The following BRCA2 variants were observed in gnomAD, a reference collection of about 807,000 sequenced individuals.
BRCA2 encodes the protein BRCA2 DNA repair associated.
A neutral mutation model predicts 276.7 loss-of-function variants in BRCA2; 203 were observed. The observed-to-expected ratio is 0.73, with a 90% CI of 0.65 to 0.82. The LOEUF (loss-of-function observed/expected upper bound fraction) is 0.82, where lower values mean the gene tolerates loss of function less well. BRCA2 is among the 40% of genes least tolerant of loss of function. BRCA2 has a pLI of 0.00. For missense variants in BRCA2, 3,920 were observed against 3,915.0 expected (o/e 1.00, Z -0.03); for synonymous variants, 1,289 against 1,338.4 (o/e 0.96, Z 0.81).
Position 32,376,640 on chromosome 13 carries a change from A to G in BRCA2, c.8633-30A>G, listed in dbSNP as rs748058869. ...TTAGTTGCTTTTGAATTTACAGTTT[A>G]GTGAATTAATAATCCTTTTGTTTTC... is the stretch of plus-strand genomic sequence containing the variant. On this transcript the variant is annotated intron_variant, in intron 20 of 26. Coordinates refer to ENST00000380152, the MANE Select transcript of BRCA2 (RefSeq NM_000059.4). The G allele has an allele frequency of 2.1e-5, 34 of 1,609,946 alleles. No individual in the cohort carries two copies. In the Middle Eastern group the frequency reaches 1.3e-3, roughly 63 times the overall value.
In BRCA2 at chr13:32,397,063, A is replaced by G. The variant is rs1197038684; in HGVS notation, c.9648+19A>G. 1 of 1,609,714 alleles carries G rather than the reference A, an allele frequency of 6.2e-7. No individual in the cohort carries two copies. Among genetic ancestry groups the G allele is most frequent in the South Asian group, 1.1e-5 (1 of 90,966 alleles). On this transcript the variant is annotated intron_variant, in intron 26 of 26. Coordinates refer to ENST00000380152, the MANE Select transcript of BRCA2 (RefSeq NM_000059.4). ...GCTTCTGGTAAGTTAATGTAAACTC[A>G]AGGAATATTATAAGAAGTATATATG... is the stretch of plus-strand genomic sequence containing the variant.
In BRCA2 at chr13:32,339,281, T is replaced by C. The variant is rs1057520859; in HGVS notation, c.4926T>C (p.Asn1642=). Residue 1642 remains asparagine (N), a synonymous_variant, in exon 11 of 27, where the codon AAT becomes AAC. Transcript: ENST00000380152. ...TTTTGAAAGTTAAAGTACATGAAAA[T>C]GTAGAAAAAGAAACAGCAAAAAGTC... ...SIFLKVKVHE[N]VEKETAKSPA... The C allele has an allele frequency of 2.5e-6, 4 of 1,607,500 alleles. No homozygotes were observed. The highest frequency in any genetic ancestry group is 2.5e-6 in the Non-Finnish European group (3 of 1,178,128).
At chr13:32,324,115 A>G (rs1008165666) in intron 3 of BRCA2, among the ~76,000 whole-genome samples, 12 of 152,242 alleles carry the variant, frequency 7.9e-5, no homozygotes, top group African/African-American at 2.9e-4. Context: ...ACAGTGACAA[A>G]TAAGACAAAA....
intron 13 of BRCA2, among the ~76,000 whole-genome samples, chr13:32,347,278 C>T (rs11571683): frequency 1.5e-3 from 234 of 151,522 alleles, no homozygotes; most frequent in African/African-American, 5.6e-3. Flanking sequence ...TTCCCAAGGA[C>T]AATGATGAGA....
Position 32,344,166 on chromosome 13 carries a change from GAAA to G in BRCA2, c.6842-377_6842-375del, listed in dbSNP as rs34225677. Reference sequence around the variant, plus strand: ...TTCAGTTAATGGCTGCCCCCGTGCTGAAAAAAAAAAAAAAAAAGAGAGAAAAAG... The same window carrying G: ...TTCAGTTAATGGCTGCCCCCGTGCTGAAAAAAAAAAAAAAGAGAGAAAAAG... On this transcript the variant is annotated intron_variant, in intron 11 of 26. Transcript: ENST00000380152. 4.0e-3 allele frequency among the ~76,000 whole-genome samples: 548 copies of G among 137,508 alleles called. 4 individuals carry two copies. Among genetic ancestry groups the G allele is most frequent in the Middle Eastern group, 0.015 (4 of 260 alleles). 90.2% of individuals were successfully genotyped at this position (137,508 alleles called of 152,430 possible).
intron 7 of BRCA2, among the ~76,000 whole-genome samples, chr13:32,327,612 G>GATCAC (rs2072359351): frequency 1.3e-5 from 2 of 151,348 alleles, no homozygotes; most frequent in African/African-American, 4.9e-5. Flanking sequence ...GGATCTTGTA[G>GATCAC]TGATCTGAGA....
intron 12 of BRCA2, 44 bp downstream of exon 12, chr13:32,344,697 A>C: frequency 7.5e-7 from 1 of 1,334,858 alleles, no homozygotes; most frequent in South Asian, 1.2e-5. Context: ...CTCTATAGGT[A>C]TGGTATATAA....
In BRCA2 at chr13:32,332,302, A is replaced by G; in HGVS notation, c.824A>G (p.Lys275Arg). Residue 275 changes from lysine to arginine, a missense_variant, in exon 10 of 27, where the codon AAA becomes AGA. Physicochemically the swap from Lys to Arg is conservative, Grantham distance 26. Coordinates refer to ENST00000380152, the MANE Select transcript of BRCA2 (RefSeq NM_000059.4). The stretch of plus-strand genomic sequence containing the variant: ...GGAAAAACATCAGGGAATTCATTTA[A>G]AGTAAATAGCTGCAAAGACCACATT... ...GFGKTSGNSF[K>R]VNSCKDHIGK... 1.2e-6 allele frequency: 2 copies of G among 1,605,726 alleles called. No homozygotes were observed. The highest frequency in any genetic ancestry group is 1.7e-6 in the Non-Finnish European group (2 of 1,176,296).
At chr13:32,341,816 C>T (rs773027) in intron 11 of BRCA2, among the ~76,000 whole-genome samples, 1 of 148,662 alleles carries the variant, frequency 6.7e-6, no homozygotes, top group Admixed American at 6.7e-5. Context: ...TGCAGTGAGC[C>T]GAGATCCCGC....
rs2137446817 is a variant in BRCA2 at position 32,325,157 on chromosome 13, C to T, written c.398C>T (p.Pro133Leu). 3 of 1,601,518 alleles carry T rather than the reference C, an allele frequency of 1.9e-6. No individual in the cohort carries two copies. The highest frequency in any genetic ancestry group is 2.6e-6 in the Non-Finnish European group (3 of 1,168,956). Residue 133 changes from proline to leucine, a missense_variant, in exon 4 of 27, where the codon CCA (proline) becomes CTA (leucine). Physicochemically the swap from Pro to Leu is moderately conservative, Grantham distance 98. Around this residue, in one of 2 missense-constraint regions of BRCA2, gnomAD observed 3,263 missense variants for 3,156.9 expected, o/e 1.03. Transcript: ENST00000380152. ...KMDQADDVSC[P>L]LLNSCLSESP... Reference sequence around the variant, plus strand: ...GATCAAGCAGATGATGTTTCCTGTCCACTTCTAAATTCTTGTCTTAGTGAA... The same window carrying T: ...GATCAAGCAGATGATGTTTCCTGTCTACTTCTAAATTCTTGTCTTAGTGAA...
chr13:32,336,185 C>A (rs2137481283), intron 10 of BRCA2, 80 bp from the exon 11 acceptor site: 7 of 1,459,392 alleles, frequency 4.8e-6, no homozygotes, highest in Non-Finnish European at 5.5e-6. Flanking sequence ...CCAAACACTA[C>A]CTTTTTAACT....
chr13:32,379,201 C>T, intron 21 of BRCA2, 116 bp from the exon 22 acceptor site: 1 of 926,698 alleles, frequency 1.1e-6, no homozygotes, highest in South Asian at 1.5e-5. Flanking sequence ...ATTAACCACA[C>T]CCTTAAGATG....
At chr13:32,371,562 G>A (rs905213305) in intron 20 of BRCA2, among the ~76,000 whole-genome samples, 4 of 151,724 alleles carry the variant, frequency 2.6e-5, no homozygotes, top group African/African-American at 9.7e-5. Context: ...TATAGGACAT[G>A]TAATTTACAT....
chr13:32,373,994 A>G (rs1246078840), intron 20 of BRCA2, among the ~76,000 whole-genome samples: 1 of 152,252 alleles, frequency 6.6e-6, no homozygotes, highest in Admixed American at 6.5e-5. Flanking sequence ...CTTGTCTTCT[A>G]CATACCCACA....
At chr13:32,375,391 T>C (rs755693269) in intron 20 of BRCA2, 1 of 452,660 alleles carries the variant, frequency 2.2e-6, no homozygotes, top group Admixed American at 2.4e-5. Flanking sequence ...TCCATGAGGG[T>C]TGGAATCAAC....
intron 3 of BRCA2, among the ~76,000 whole-genome samples, chr13:32,321,778 T>A (rs144823572): frequency 3.6e-4 from 55 of 152,344 alleles, no homozygotes; most frequent in African/African-American, 1.2e-3. Context: ...CCTAAAGTTC[T>A]ATGAGGAATT....
chr13:32,341,674 G>A (rs932277756), intron 11 of BRCA2, among the ~76,000 whole-genome samples: 2 of 151,916 alleles, frequency 1.3e-5, no homozygotes, highest in African/African-American at 2.4e-5. Flanking sequence ...AGACCATCCC[G>A]GCTAAAACGG....
At chr13:32,396,692 C>G (rs948714098) in intron 25 of BRCA2, 3 of 602,104 alleles carry the variant, frequency 5.0e-6, no homozygotes, top group Non-Finnish European at 8.8e-6. Flanking sequence ...CTCTGTTCCC[C>G]TCTCCCTATC....
chr13:32,384,828 A>G, intron 24 of BRCA2: 1 of 278,624 alleles, frequency 3.6e-6, no homozygotes, highest in Non-Finnish European at 7.6e-6. Context: ...TACACAATAC[A>G]CAACCTACTA....
Sources: gnomAD v4.1 joint callset for allele counts (sites outside exome capture counted in the v4.1 genomes callset) on GRCh38, gnomAD v4.1.1 for gene constraint, gnomAD v4.1.1 regional missense constraint, MANE v1.5 for transcripts, NCBI Gene and HGNC (gene_info 2026-07-23, HGNC 2026-07-21) for gene names.